Variants in SNX24 observed in about 807,000 individuals in gnomAD.
The protein encoded by SNX24 is sorting nexin-24.
Under a neutral mutation model 28.7 loss-of-function variants are expected in SNX24, and 22 were observed. The observed-to-expected ratio is 0.77, with a 90% CI of 0.55 to 1.10. SNX24 has a LOEUF of 1.10. Among genes scored for constraint, SNX24 ranks in the 50% least tolerant of loss-of-function variants. The pLI is 0.00. For missense variants in SNX24, 221 were observed against 201.1 expected, an observed-to-expected ratio of 1.10 and a Z score of -0.60; for synonymous variants, 69 against 71.5, an observed-to-expected ratio of 0.96 and a Z score of 0.18.
chr5:122,973,324 C>T (rs1271909481), intron 3 of SNX24, among the ~76,000 whole-genome samples: 1 of 152,238 alleles, frequency 6.6e-6, no homozygotes, highest in East Asian at 1.9e-4. Context: ...CAGCCAGGTT[C>T]ACTGCTCAAA....
At chr5:123,021,849 C>CTCA (rs1325772464) in intron 5 of SNX24, among the ~76,000 whole-genome samples, 2 of 152,104 alleles carry the variant, frequency 1.3e-5, no homozygotes, top group Admixed American at 6.6e-5. Flanking sequence ...CTGGAATTCA[C>CTCA]TCATCTTTAT....
At chr5:123,021,270 G>T (rs907127084) in intron 5 of SNX24, among the ~76,000 whole-genome samples, 1 of 152,138 alleles carries the variant, frequency 6.6e-6, no homozygotes, top group Non-Finnish European at 1.5e-5. Flanking sequence ...ACCACAAGGG[G>T]TGACACCATT....
chr5:122,864,552 A>T (rs1054281831), intron 1 of SNX24, among the ~76,000 whole-genome samples: 1 of 152,164 alleles, frequency 6.6e-6, no homozygotes, highest in Non-Finnish European at 1.5e-5. Flanking sequence ...TTTTAAGGAC[A>T]ATTTAGTGGG....
At chr5:122,848,800 C>T (rs1754769122) in intron 1 of SNX24, among the ~76,000 whole-genome samples, 1 of 152,164 alleles carries the variant, frequency 6.6e-6, no homozygotes, top group African/African-American at 2.4e-5. Flanking sequence ...TGGGTGGTTT[C>T]TCCTCTTTGC....
intron 1 of SNX24, among the ~76,000 whole-genome samples, chr5:122,862,440 C>G (rs1213287153): frequency 6.6e-6 from 1 of 151,708 alleles, no homozygotes; most frequent in African/African-American, 2.4e-5. Context: ...AAGGTGAAAC[C>G]CCGTCTCTCC....
At position 122,960,015 on chromosome 5, in the gene SNX24, C is replaced by T. The variant is rs78574763; in HGVS notation, c.249+13856C>T. Among the ~76,000 whole-genome samples, 455 of 151,978 alleles carry T rather than the reference C, an allele frequency of 3.0e-3. 6 individuals carry two copies. In the East Asian group the frequency reaches 0.059, roughly 20 times the overall value. On this transcript the variant is annotated intron_variant, in intron 3 of 6. Coordinates refer to ENST00000261369, the MANE Select transcript of SNX24 (RefSeq NM_014035.4). ...TTTCCTCCGAAGTAGGCTGCCTTCC[C>T]CTCCCTACACGGGCTGTGTTTTCCA...
At chr5:122,858,851 T>C (rs998518439) in intron 1 of SNX24, among the ~76,000 whole-genome samples, 2 of 152,230 alleles carry the variant, frequency 1.3e-5, no homozygotes, top group Non-Finnish European at 2.9e-5. Flanking sequence ...CTGTATTTAT[T>C]ATTTTAAATG....
chr5:122,909,848 C>A (rs757659628), intron 1 of SNX24, among the ~76,000 whole-genome samples: 89 of 152,250 alleles, frequency 5.8e-4, no homozygotes, highest in Non-Finnish European at 1.0e-3. Flanking sequence ...CAAAGGAATG[C>A]GCCATTACTA....
chr5:123,020,416 A>G (rs1038674678), intron 5 of SNX24, among the ~76,000 whole-genome samples: 5 of 152,194 alleles, frequency 3.3e-5, no homozygotes, highest in African/African-American at 9.7e-5. Flanking sequence ...CATGCTGCAT[A>G]TAGAACTTCT....
intron 5 of SNX24, among the ~76,000 whole-genome samples, chr5:123,016,490 T>C (rs571315035): frequency 5.8e-4 from 89 of 152,252 alleles, no homozygotes; most frequent in African/African-American, 2.1e-3. Flanking sequence ...TTTAGGGTAA[T>C]GTATATAATG....
intron 1 of SNX24, among the ~76,000 whole-genome samples, chr5:122,898,870 A>C (rs1173266671): frequency 6.6e-6 from 1 of 152,208 alleles, no homozygotes; most frequent in East Asian, 1.9e-4. Flanking sequence ...CTAAGCCGGC[A>C]GGCCAAATGT....
chr5:122,847,284 C>A (rs927101217), intron 1 of SNX24, among the ~76,000 whole-genome samples: 3 of 152,222 alleles, frequency 2.0e-5, no homozygotes, highest in Middle Eastern at 3.4e-3. Flanking sequence ...GCTTTTCTCC[C>A]AAAGCTTTAT....
chr5:122,913,336 C>CA (rs1757984144), intron 1 of SNX24, among the ~76,000 whole-genome samples: 1 of 149,168 alleles, frequency 6.7e-6, no homozygotes, highest in African/African-American at 2.5e-5. Flanking sequence ...GGCGGCTGGC[C>CA]GGGCGGGGGC....
At chr5:122,988,956 C>G (rs1191889492) in intron 3 of SNX24, among the ~76,000 whole-genome samples, 1 of 152,024 alleles carries the variant, frequency 6.6e-6, no homozygotes, top group Admixed American at 6.6e-5. Flanking sequence ...AATAGCATAT[C>G]AACGTTATTT....
chr5:122,877,996 T>C (rs192046974), intron 1 of SNX24, among the ~76,000 whole-genome samples: 99 of 152,304 alleles, frequency 6.5e-4, no homozygotes, highest in African/African-American at 2.4e-3. Flanking sequence ...ATCTGGCTTT[T>C]CCTGGACTGG....
intron 3 of SNX24, among the ~76,000 whole-genome samples, chr5:122,985,177 TC>T (rs1288024175): frequency 6.6e-6 from 1 of 152,220 alleles, no homozygotes; most frequent in African/African-American, 2.4e-5. Flanking sequence ...TTTATTTATT[TC>T]CCTGTGGCAT....
At chr5:122,944,230 C>T (rs1400249893) in intron 2 of SNX24, among the ~76,000 whole-genome samples, 1 of 152,178 alleles carries the variant, frequency 6.6e-6, no homozygotes, top group Non-Finnish European at 1.5e-5. Context: ...CTGGTGACAA[C>T]ATAGCTCCTA....
chr5:123,010,099 G>A (rs1192805673), downstream of SNX24, among the ~76,000 whole-genome samples: 2 of 152,162 alleles, frequency 1.3e-5, no homozygotes, highest in East Asian at 1.9e-4. Flanking sequence ...AACATCCGTG[G>A]CCTTGCTTGC....
At chr5:122,873,977 C>T (rs769242324) in intron 1 of SNX24, among the ~76,000 whole-genome samples, 1 of 152,082 alleles carries the variant, frequency 6.6e-6, no homozygotes, top group Non-Finnish European at 1.5e-5. Flanking sequence ...ACCATGTTGT[C>T]CAGCCTGGTC....
Sources: allele counts gnomAD v4.1 joint callset (sites outside exome capture counted in the v4.1 genomes callset), GRCh38; gene constraint gnomAD v4.1.1; transcripts MANE v1.5; gene names NCBI Gene and HGNC (gene_info 2026-07-23, HGNC 2026-07-21).